The following CNOT8 variants were observed in gnomAD, a reference collection of about 807,000 sequenced individuals.
CNOT8 encodes the protein CAF1-like protein.
A neutral mutation model predicts 34.6 loss-of-function variants in CNOT8; 18 were observed. That is an observed-to-expected ratio of 0.52 (90% CI 0.36 to 0.77). The LOEUF is 0.77. CNOT8 is among the 30% of genes least tolerant of loss of function. The pLI is 0.00. For synonymous variants in CNOT8, 101 were observed against 118.8 expected (o/e 0.85, Z 0.98); for missense variants, 189 against 347.9 (o/e 0.54, Z 3.63).
chr5:154,870,845 T>G (rs776369775), intron 4 of CNOT8, 23 bp downstream of exon 4: 8 of 1,584,170 alleles, frequency 5.0e-6, no homozygotes, highest in Non-Finnish European at 5.2e-6. Flanking sequence ...GAATGTGTAT[T>G]TCTCTCTCAC....
intron 2 of CNOT8, among the ~76,000 whole-genome samples, chr5:154,863,948 T>TC (rs1761606307): frequency 1.3e-5 from 2 of 151,484 alleles, no homozygotes; most frequent in South Asian, 2.1e-4. Flanking sequence ...CTGGCATCTC[T>TC]GAAAAAAAAA....
intron 6 of CNOT8, among the ~76,000 whole-genome samples, chr5:154,873,318 G>A (rs1762655439): frequency 6.6e-6 from 1 of 152,192 alleles, no homozygotes; most frequent in Non-Finnish European, 1.5e-5. Context: ...TGACGTGAAA[G>A]CCACTTTCCA....
chr5:154,863,936 T>G (rs1238788439), intron 2 of CNOT8, among the ~76,000 whole-genome samples: 1 of 152,132 alleles, frequency 6.6e-6, no homozygotes, highest in Non-Finnish European at 1.5e-5. Flanking sequence ...AATTCCAGAT[T>G]TCTGGCATCT....
At chr5:154,875,104 A>G (rs931600584) in intron 6 of CNOT8, among the ~76,000 whole-genome samples, 186 bp from the exon 7 acceptor site, 1 of 151,788 alleles carries the variant, frequency 6.6e-6, no homozygotes, top group Non-Finnish European at 1.5e-5. Context: ...TTTAGTAGAG[A>G]TGGGGTTTTG....
intron 1 of CNOT8, among the ~76,000 whole-genome samples, chr5:154,861,540 A>G (rs1761338658): frequency 6.6e-6 from 1 of 152,206 alleles, no homozygotes; most frequent in Admixed American, 6.5e-5. Context: ...ATAGGAAGCA[A>G]AGATTTTCCT....
intron 5 of CNOT8, among the ~76,000 whole-genome samples, chr5:154,872,241 A>T (rs1253919722): frequency 6.6e-6 from 1 of 152,202 alleles, no homozygotes; most frequent in Non-Finnish European, 1.5e-5. Context: ...GTTGACATAG[A>T]GCTTTGCTGT....
intron 2 of CNOT8, among the ~76,000 whole-genome samples, chr5:154,863,771 T>A (rs1489275818): frequency 4.6e-5 from 7 of 152,204 alleles, no homozygotes; most frequent in Non-Finnish European, 1.0e-4. Flanking sequence ...TATCTTAGAT[T>A]TTTTATAACA....
Position 154,863,189 on chromosome 5 carries a change from A to T in CNOT8, c.-72-18A>T. The T allele has an allele frequency of 2.4e-6, 2 of 840,808 alleles. No homozygotes were observed. Among genetic ancestry groups the T allele is most frequent in the South Asian group, 2.8e-5 (2 of 70,394 alleles). The allele number at this position is 840,808 out of a possible 1,614,324, so 52.1% of individuals were successfully genotyped here. ...GTGTGTGTAAACTTACATGATTTTA[A>T]AATGTTTTACAATCTAGATCAGACC... On this transcript the variant is annotated intron_variant, in intron 1 of 6. Coordinates refer to ENST00000285896, the MANE Select transcript of CNOT8 (RefSeq NM_001301073.2).
At chr5:154,870,021 G>C (rs1025049213) in intron 3 of CNOT8, among the ~76,000 whole-genome samples, 6 of 152,142 alleles carry the variant, frequency 3.9e-5, no homozygotes, top group African/African-American at 1.4e-4. Flanking sequence ...GCCTCCCAAA[G>C]TGCTGGTATT....
rs1449048485 is a variant in CNOT8 at position 154,876,105 on chromosome 5, A to G, written c.*666A>G. On this transcript the variant is annotated 3_prime_UTR_variant, in exon 7 of 7. Transcript: ENST00000285896. ...TCTACCCTTCATTCATGAGAACTCC[A>G]GAATGAGTGTTGACCACTGAAGCAT... 6.6e-6 allele frequency: 1 copy of G among 152,308 alleles called. No individual in the cohort carries two copies. The highest frequency in any genetic ancestry group is 2.4e-5 in the African/African-American group (1 of 41,474). The allele number at this position is 152,308 out of a possible 1,614,324, so 9.4% of individuals were successfully genotyped here.
At chr5:154,863,507 G>T in intron 2 of CNOT8, 112 bp downstream of exon 2, 1 of 781,016 alleles carries the variant, frequency 1.3e-6, no homozygotes, top group Non-Finnish European at 2.3e-6. Flanking sequence ...ATAGCTCACT[G>T]CAGCCTTGAA....
rs544119647 is a variant in CNOT8, at chr5:154,876,011, G to T, written c.*572G>T. Reference sequence around the variant, plus strand: ...TCTTTACATATTACTATATGGAAATGAATTGCTCTGTGCTGAAATTTGAAG... The same window carrying T: ...TCTTTACATATTACTATATGGAAATTAATTGCTCTGTGCTGAAATTTGAAG... On this transcript the variant is annotated 3_prime_UTR_variant, in exon 7 of 7. Transcript: ENST00000285896. 6.6e-6 allele frequency: 1 copy of T among 152,572 alleles called. No homozygotes were observed. The highest frequency in any genetic ancestry group is 6.5e-5 in the Admixed American group (1 of 15,328). The allele number at this position is 152,572 out of a possible 1,614,324, so 9.5% of individuals were successfully genotyped here.
At position 154,863,266 on chromosome 5, in the gene CNOT8, A is replaced by G; in HGVS notation, c.-13A>G. On this transcript the variant is annotated 5_prime_UTR_variant, in exon 2 of 7. Transcript: ENST00000285896. ...ACTAGTTAGCTGAAGACGACTTCTC[A>G]GGTTTCTTCAGGATGCCTGCAGCAC... is the stretch of plus-strand genomic sequence containing the variant. The G allele has an allele frequency of 6.3e-7, 1 of 1,599,932 alleles. No homozygotes were observed. The highest frequency in any genetic ancestry group is 8.6e-7 in the Non-Finnish European group (1 of 1,166,948).
intron 3 of CNOT8, among the ~76,000 whole-genome samples, 179 bp downstream of exon 3, chr5:154,865,564 A>G (rs900498315): frequency 6.6e-6 from 1 of 152,222 alleles, no homozygotes; most frequent in Non-Finnish European, 1.5e-5. Flanking sequence ...AAAAATGTGC[A>G]AAAGATAGAC....
At chr5:154,873,782 T>C (rs1438612389) in intron 6 of CNOT8, among the ~76,000 whole-genome samples, 2 of 152,180 alleles carry the variant, frequency 1.3e-5, no homozygotes, top group Non-Finnish European at 2.9e-5. Context: ...TGTTGGTAAA[T>C]GTTCTAGGTC....
At chr5:154,863,544 C>A in intron 2 of CNOT8, 149 bp downstream of exon 2, 1 of 670,028 alleles carries the variant, frequency 1.5e-6, no homozygotes, top group Non-Finnish European at 2.7e-6. Flanking sequence ...GTCCTCCCAC[C>A]TCACCTTTCC....
intron 3 of CNOT8, among the ~76,000 whole-genome samples, chr5:154,869,338 C>T (rs2688206): frequency 0.17 from 24,942 of 150,460 alleles, 2,762 homozygotes; most frequent in African/African-American, 0.32. Context: ...AGGCTGGTCT[C>T]GAACTCCCGA....
intron 3 of CNOT8, chr5:154,870,445 T>A: frequency 2.5e-6 from 1 of 399,908 alleles, no homozygotes. Flanking sequence ...ATTAGGAAAT[T>A]TAGTTTATGG....
chr5:154,870,813 C>T lies in CNOT8; in HGVS notation c.464C>T (p.Ser155Leu). 1 of 1,613,458 alleles carries T rather than the reference C, an allele frequency of 6.2e-7. No individual in the cohort carries two copies. The highest frequency in any genetic ancestry group is 8.5e-7 in the Non-Finnish European group (1 of 1,179,690). Reference protein sequence around the residue: ...VVLCDNVKWLSFHSGYDFGYM... With the variant: ...VVLCDNVKWLLFHSGYDFGYM... ...CTCTGTGACAATGTCAAATGGCTTT[C>T]ATTTCATAGGTCAGTCCTAGGGAAT... The change falls in exon 4 of 7, where the codon TCA becomes TTA. Residue 155 changes from serine to leucine, a missense_variant. Around this residue, in one of 2 missense-constraint regions of CNOT8, gnomAD observed 160 missense variants for 321.9 expected, o/e 0.50. Coordinates refer to ENST00000285896, the MANE Select transcript of CNOT8 (RefSeq NM_001301073.2).
Sources: allele counts gnomAD v4.1 joint callset (sites outside exome capture counted in the v4.1 genomes callset), GRCh38; gene constraint gnomAD v4.1.1; regional missense constraint gnomAD v4.1.1; transcripts MANE v1.5; gene names NCBI Gene and HGNC (gene_info 2026-07-23, HGNC 2026-07-21).